The following ZNF385D variants were observed in gnomAD, a reference collection of about 807,000 sequenced individuals.
ZNF385D encodes the protein zinc finger protein 385D, also known as zinc finger protein 659.
Under a neutral mutation model 35.8 loss-of-function variants are expected in ZNF385D, and 15 were observed. That is an observed-to-expected ratio of 0.42 (90% CI 0.28 to 0.64). The LOEUF is 0.64. ZNF385D is among the 30% of genes least tolerant of loss of function. The pLI is 0.23. For synonymous variants in ZNF385D, 212 were observed against 186.8 expected, an observed-to-expected ratio of 1.13 and a Z score of -1.10; for missense variants, 474 against 494.6, an observed-to-expected ratio of 0.96 and a Z score of 0.39.
chr3:21,501,713 T>C (rs1008807246), intron 4 of ZNF385D, among the ~76,000 whole-genome samples: 10 of 152,230 alleles, frequency 6.6e-5, no homozygotes, highest in Admixed American at 2.6e-4. Flanking sequence ...TTTTTGCAGT[T>C]GAAATATTTT....
intron 2 of ZNF385D, among the ~76,000 whole-genome samples, chr3:22,205,021 G>A (rs1026815447): frequency 2.8e-4 from 42 of 147,778 alleles, no homozygotes; most frequent in African/African-American, 1.0e-3. Context: ...GTACAAGAAG[G>A]TTATAGAACA....
intron 3 of ZNF385D, among the ~76,000 whole-genome samples, chr3:21,821,303 TAA>T (rs554553729): frequency 1.3e-5 from 2 of 152,254 alleles, no homozygotes; most frequent in African/African-American, 4.8e-5. Flanking sequence ...TAGTCATAAA[TAA>T]ATTGTCCTTA....
intron 2 of ZNF385D, among the ~76,000 whole-genome samples, chr3:22,358,650 T>C (rs1696266081): frequency 6.6e-6 from 1 of 151,716 alleles, no homozygotes; most frequent in South Asian, 2.1e-4. Flanking sequence ...AGATGTGACT[T>C]GTAATAAAAG....
chr3:22,140,607 A>T (rs769438158), intron 3 of ZNF385D, among the ~76,000 whole-genome samples: 2 of 152,320 alleles, frequency 1.3e-5, no homozygotes, highest in Non-Finnish European at 2.9e-5. Flanking sequence ...TCCTCATGTG[A>T]TAAAGTACTA....
chr3:22,328,473 A>T (rs1575128086), intron 2 of ZNF385D, among the ~76,000 whole-genome samples: 2 of 152,146 alleles, frequency 1.3e-5, no homozygotes, highest in African/African-American at 2.4e-5. Context: ...ATTTTAAAAT[A>T]AAAAAAACTG....
chr3:22,293,984 T>C (rs1702437929), intron 2 of ZNF385D, among the ~76,000 whole-genome samples: 1 of 152,042 alleles, frequency 6.6e-6, no homozygotes, highest in Non-Finnish European at 1.5e-5. Flanking sequence ...AATTTTCTTC[T>C]CCAGGCATGG....
At chr3:22,231,836 G>C (rs1442665058) in intron 2 of ZNF385D, among the ~76,000 whole-genome samples, 1 of 152,048 alleles carries the variant, frequency 6.6e-6, no homozygotes, top group Non-Finnish European at 1.5e-5. Context: ...GATCCTTTTT[G>C]AATGGTTTAG....
At chr3:21,795,252 T>A (rs2072097874) in intron 3 of ZNF385D, among the ~76,000 whole-genome samples, 1 of 152,224 alleles carries the variant, frequency 6.6e-6, no homozygotes, top group African/African-American at 2.4e-5. Context: ...TGTACACAGT[T>A]GCTGTAGGCC....
intron 2 of ZNF385D, among the ~76,000 whole-genome samples, chr3:22,219,763 A>C (rs1212260687): frequency 6.6e-6 from 1 of 152,198 alleles, no homozygotes; most frequent in African/African-American, 2.4e-5. Context: ...TGGAATGAAT[A>C]AAGATTTTGA....
At chr3:21,484,638 G>C (rs1459794770) in intron 4 of ZNF385D, among the ~76,000 whole-genome samples, 4 of 152,118 alleles carry the variant, frequency 2.6e-5, no homozygotes, top group African/African-American at 9.7e-5. Context: ...TTGGAGGGGG[G>C]ACTGCCTCTG....
intron 2 of ZNF385D, among the ~76,000 whole-genome samples, chr3:21,591,735 T>G (rs1002784526): frequency 6.6e-6 from 1 of 152,118 alleles, no homozygotes; most frequent in African/African-American, 2.4e-5. Context: ...CACAAGCTTC[T>G]TTGAGTTACA....
chr3:21,743,415 C>A (rs2125531266), intron 1 of ZNF385D, among the ~76,000 whole-genome samples: 2 of 152,338 alleles, frequency 1.3e-5, no homozygotes, highest in Admixed American at 1.3e-4. Flanking sequence ...CTGAGGCCAA[C>A]TGTCTTAATC....
At chr3:21,710,117 A>C (rs1486069835) in intron 1 of ZNF385D, among the ~76,000 whole-genome samples, 1 of 152,152 alleles carries the variant, frequency 6.6e-6, no homozygotes, top group Admixed American at 6.5e-5. Context: ...ATATCAGACA[A>C]GCGCTTTCAG....
rs62235536 is a variant in ZNF385D at position 21,456,824 on chromosome 3, C to A, written c.440-19621G>T. 6.0e-3 allele frequency among the ~76,000 whole-genome samples: 908 copies of A among 152,260 alleles called. 3 individuals are homozygous for A. The highest frequency in any genetic ancestry group is 0.01 in the Non-Finnish European group (713 of 68,012). On this transcript the variant is annotated intron_variant, in intron 4 of 7. Transcript: ENST00000281523. ...CTTTTCCCCAGATAGCCAGATTACT[C>A]ATCCCCTTACCATCTTCAAGACTAA...
At chr3:22,109,603 T>C (rs551271017) in intron 3 of ZNF385D, among the ~76,000 whole-genome samples, 2 of 152,128 alleles carry the variant, frequency 1.3e-5, no homozygotes, top group Non-Finnish European at 2.9e-5. Flanking sequence ...AACAAATGTC[T>C]CCTATTATTA....
At chr3:21,487,764 T>A (rs1335483203) in intron 4 of ZNF385D, among the ~76,000 whole-genome samples, 3 of 152,136 alleles carry the variant, frequency 2.0e-5, no homozygotes, top group Non-Finnish European at 4.4e-5. Context: ...CTATCAGATG[T>A]GTAACTTTGG....
At chr3:21,578,163 T>A (rs2125696900) in intron 2 of ZNF385D, among the ~76,000 whole-genome samples, 1 of 152,244 alleles carries the variant, frequency 6.6e-6, no homozygotes, top group East Asian at 1.9e-4. Context: ...ATTTGCACAT[T>A]TTTTTAATTG....
At chr3:22,048,925 C>T (rs2695635) in intron 3 of ZNF385D, among the ~76,000 whole-genome samples, 1 of 151,872 alleles carries the variant, frequency 6.6e-6, no homozygotes, top group Admixed American at 6.6e-5. Flanking sequence ...TTCTTTCATT[C>T]ATGTTTTATA....
intron 3 of ZNF385D, among the ~76,000 whole-genome samples, chr3:21,967,868 TTGAC>T (rs1393137839): frequency 2.6e-5 from 4 of 152,182 alleles, no homozygotes; most frequent in Non-Finnish European, 5.9e-5. Context: ...ACCAAATTGA[TTGAC>T]TATCCATACA....
Sources: allele counts gnomAD v4.1 joint callset (sites outside exome capture counted in the v4.1 genomes callset), GRCh38; gene constraint gnomAD v4.1.1; transcripts MANE v1.5; gene names NCBI Gene and HGNC (gene_info 2026-07-23, HGNC 2026-07-21).